TAF6: variants seen among roughly 807,000 people sequenced by gnomAD.
TAF6 encodes TATA-box binding protein associated factor 6, also known as transcription initiation factor TFIID subunit 6.
In TAF6, 50 loss-of-function variants were observed where a neutral mutation model predicts 73.5. That is an observed-to-expected ratio of 0.68 (90% confidence interval 0.54 to 0.86). The LOEUF (loss-of-function observed/expected upper bound fraction) is 0.86, where lower values mean the gene tolerates loss of function less well. Ranked by LOEUF, TAF6 falls within the 40% of genes least tolerant of loss-of-function variation. The pLI is 0.00. For missense variants in TAF6, 768 were observed against 899.5 expected, an observed-to-expected ratio of 0.85 and a Z score of 1.87; for synonymous variants, 424 against 376.7, an observed-to-expected ratio of 1.13 and a Z score of -1.45.
intron 12 of TAF6, among the ~76,000 whole-genome samples, chr7:100,109,491 C>T (rs985314533): frequency 2.0e-5 from 3 of 151,958 alleles, no homozygotes; most frequent in Non-Finnish European, 2.9e-5. Context: ...ACAGGCTGAG[C>T]GTGTTAAACC....
upstream of TAF6, chr7:100,124,554 A>G (rs756693085): frequency 1.2e-6 from 2 of 1,612,612 alleles, no homozygotes; most frequent in Non-Finnish European, 1.7e-6. Flanking sequence ...ATTGTGGGAG[A>G]CTGGTACTTC....
rs1404158748 is a variant in TAF6 at position 100,113,661 on chromosome 7, T to C, written c.352A>G (p.Ile118Val). The change falls in exon 4 of 15, where the codon ATC becomes GTC. Residue 118 changes from isoleucine (I) to valine (V), a missense_variant. Physicochemically the swap from Ile to Val is conservative, Grantham distance 29 (BLOSUM62 3). Coordinates refer to ENST00000453269, the MANE Select transcript of TAF6 (RefSeq NM_139315.3). ...EEKEVDLSDIINTPLPRVPLD... is the reference protein window; with the variant it reads ...EEKEVDLSDIVNTPLPRVPLD... The stretch of plus-strand genomic sequence containing the variant: ...GGCACCCGGGGCAGAGGGGTATTGA[T>C]GATGTCGCTCAGATCAACCTCCTTC... The C allele has an allele frequency of 6.2e-7, 1 of 1,613,906 alleles. No individual in the cohort carries two copies. Among genetic ancestry groups the C allele is most frequent in the Non-Finnish European group, 8.5e-7 (1 of 1,180,010 alleles).
At chr7:100,126,717 G>C in the TAF6 span, 1 of 152,318 alleles carries the variant, frequency 6.6e-6, no homozygotes, top group African/African-American at 2.4e-5. Flanking sequence ...GCTGAGGCGG[G>C]AGGATCACAT....
intron 11 of TAF6, 48 bp downstream of exon 11, chr7:100,110,152 C>T: frequency 1.2e-6 from 2 of 1,614,092 alleles, no homozygotes; most frequent in East Asian, 2.2e-5. Context: ...CCCTCTATAA[C>T]CTCATGACTG....
chr7:100,119,699 C>T (rs756177329), upstream of TAF6: 7 of 1,613,924 alleles, frequency 4.3e-6, no homozygotes, highest in East Asian at 1.6e-4. Flanking sequence ...CACTACCTTC[C>T]CGAAGTTGAA....
chr7:100,125,512 G>A, the TAF6 span: 1 of 152,066 alleles, frequency 6.6e-6, no homozygotes, highest in Admixed American at 6.6e-5. Flanking sequence ...CTAAAAACTA[G>A]CTGGGCCCAA....
chr7:100,114,290 C>G, intron 1 of TAF6, 22 bp from the exon 2 acceptor site: 1 of 1,607,990 alleles, frequency 6.2e-7, no homozygotes, highest in Non-Finnish European at 8.5e-7. Flanking sequence ...ACGGGGCAGG[C>G]AGAAGAAAAA....
chr7:100,107,540 G>A lies in TAF6; in HGVS notation c.1740C>T (p.Pro580=). ...TGGCGGTGGAGACCAACTTGACGAT[G>A]GGCTGCACGCTGGGGACGGTGGTGG... is the stretch of plus-strand genomic sequence containing the variant. ...PVTTTVPSVQ[P]IVKLVSTATT... Residue 580 remains proline, a synonymous_variant, in exon 15 of 15, where the codon CCC becomes CCT. Transcript: ENST00000453269. 6.2e-7 allele frequency: 1 copy of A among 1,614,052 alleles called. No homozygotes were observed. Among genetic ancestry groups the A allele is most frequent in the African/African-American group, 1.3e-5 (1 of 75,026 alleles).
At chr7:100,122,789 G>A, upstream of TAF6, 1 of 1,613,664 alleles carries the variant, frequency 6.2e-7, no homozygotes, top group East Asian at 2.2e-5. Context: ...CTCAGGGTCA[G>A]AGTCAGACCA....
chr7:100,121,116 A>ATATACATATATATTTTTTTTTTTTTT (rs1584585316), upstream of TAF6: 1 of 52,802 alleles, frequency 1.9e-5, no homozygotes, highest in Non-Finnish European at 3.2e-5. Flanking sequence ...ATATATATAT[A>ATATACATATATATTTTTTTTTTTTTT]TTTTTTTTTT....
chr7:100,126,717 G>A, the TAF6 span: 1 of 152,318 alleles, frequency 6.6e-6, no homozygotes, highest in African/African-American at 2.4e-5. Context: ...GCTGAGGCGG[G>A]AGGATCACAT....
intron 3 of TAF6, 21 bp downstream of exon 3, chr7:100,113,847 C>T: frequency 3.1e-6 from 5 of 1,613,026 alleles, no homozygotes; most frequent in South Asian, 1.1e-5. Context: ...CACCCCCCCC[C>T]CGCCTGTCTC....
chr7:100,122,289 C>T (rs748443574), upstream of TAF6: 50 of 1,613,918 alleles, frequency 3.1e-5, no homozygotes, highest in Admixed American at 1.3e-4. Context: ...GAGCTACAGG[C>T]GGAACTGAGT....
Position 100,107,333 on chromosome 7 carries a change from C to T in TAF6, c.1947G>A (p.Glu649=), listed in dbSNP as rs2116689438. ...SGSALCGGKQ[E]AGDSPPPAPG... ...GAGCTGGAGGGGGACTGTCCCCAGC[C>T]TCCTGCTTCCCCCCACAAAGGGCAC... is the stretch of plus-strand genomic sequence containing the variant. Residue 649 remains glutamate, a synonymous_variant, in exon 15 of 15, where the codon GAG becomes GAA. Transcript: ENST00000453269. 1 of 1,545,110 alleles carries T rather than the reference C, an allele frequency of 6.5e-7. No homozygotes were observed. The highest frequency in any genetic ancestry group is 1.3e-5 in the South Asian group (1 of 79,952).
chr7:100,109,693 T>G (rs1472338939), intron 12 of TAF6, among the ~76,000 whole-genome samples: 1 of 151,690 alleles, frequency 6.6e-6, no homozygotes, highest in Non-Finnish European at 1.5e-5. Context: ...GGGATCTCGC[T>G]ACGTTGTCCA....
At chr7:100,113,846 C>A (rs201261139) in intron 3 of TAF6, 22 bp downstream of exon 3, 481 of 1,613,134 alleles carry the variant, frequency 3.0e-4, no homozygotes, top group African/African-American at 1.9e-3. Context: ...TCACCCCCCC[C>A]CCGCCTGTCT....
At chr7:100,117,295 G>C (rs1797750240) in intron 1 of TAF6, among the ~76,000 whole-genome samples, 1 of 128,610 alleles carries the variant, frequency 7.8e-6, no homozygotes, top group South Asian at 2.6e-4. Flanking sequence ...TTTTGAGCTA[G>C]AGTTTCACTC....
intron 1 of TAF6, among the ~76,000 whole-genome samples, chr7:100,118,022 G>A (rs929092170): frequency 2.0e-5 from 3 of 149,324 alleles, no homozygotes; most frequent in African/African-American, 7.4e-5. Context: ...CTCCAGCCTG[G>A]GCAACAGAGC....
chr7:100,109,916 T>C, intron 12 of TAF6, 32 bp downstream of exon 12: 1 of 1,609,284 alleles, frequency 6.2e-7, no homozygotes, highest in African/African-American at 1.3e-5. Context: ...TGTGTCTCAG[T>C]GGGCAGGTGT....
Sources: allele counts gnomAD v4.1 joint callset (sites outside exome capture counted in the v4.1 genomes callset), GRCh38; gene constraint gnomAD v4.1.1; transcripts MANE v1.5; gene names NCBI Gene and HGNC (gene_info 2026-07-23, HGNC 2026-07-21).